PCTP: variants seen among roughly 807,000 people sequenced by gnomAD.
The protein encoded by PCTP is phosphatidylcholine transfer protein, also known as START domain-containing protein 2.
In PCTP, 27 loss-of-function variants were observed where a neutral mutation model predicts 31.0. The ratio of observed to expected loss-of-function variants is 0.87; its 90% CI spans 0.64 to 1.20. The LOEUF is 1.20. Ranked by LOEUF, PCTP falls within the 50% of genes most tolerant of loss-of-function variation. The pLI is 0.00. For missense variants in PCTP, 287 were observed against 268.2 expected (o/e 1.07, Z -0.49); for synonymous variants, 108 against 101.2 (o/e 1.07, Z -0.40).
intron 5 of PCTP, among the ~76,000 whole-genome samples, chr17:55,839,010 A>G (rs1314362245): frequency 2.0e-5 from 3 of 152,190 alleles, no homozygotes; most frequent in Non-Finnish European, 4.4e-5. Context: ...ACCAAACCAA[A>G]CCAAACAAAA....
At chr17:55,783,713 A>G (rs746021543) in intron 2 of PCTP, among the ~76,000 whole-genome samples, 3 of 152,194 alleles carry the variant, frequency 2.0e-5, no homozygotes, top group Admixed American at 6.5e-5. Flanking sequence ...CTGGTATTGA[A>G]TAATTACTGG....
At chr17:55,751,303 C>T (rs936462362) in intron 1 of PCTP, 59 bp downstream of exon 1, 6 of 1,517,308 alleles carry the variant, frequency 4.0e-6, no homozygotes, top group Non-Finnish European at 5.3e-6. Flanking sequence ...TCGACCTCCC[C>T]GCAGGGAGTG....
downstream of PCTP, among the ~76,000 whole-genome samples, chr17:55,779,194 T>C (rs1911472517): frequency 6.6e-6 from 1 of 152,232 alleles, no homozygotes; most frequent in Non-Finnish European, 1.5e-5. Flanking sequence ...GGGATAGGCA[T>C]GGCATTTGTG....
intron 3 of PCTP, among the ~76,000 whole-genome samples, chr17:55,807,714 T>G (rs1912619167): frequency 6.6e-6 from 1 of 152,200 alleles, no homozygotes; most frequent in South Asian, 2.1e-4. Flanking sequence ...TGGTGAAATA[T>G]GTTTGCTTTT....
At chr17:55,805,628 T>G (rs766840120) in intron 3 of PCTP, among the ~76,000 whole-genome samples, 3 of 151,720 alleles carry the variant, frequency 2.0e-5, no homozygotes, top group Non-Finnish European at 2.9e-5. Context: ...ATATATATGA[T>G]AGGAGATTTT....
intron 2 of PCTP, 191 bp from the exon 3 acceptor site, chr17:55,770,915 T>A: frequency 4.5e-6 from 2 of 447,072 alleles, no homozygotes; most frequent in Non-Finnish European, 8.0e-6. Context: ...TTTTTATATA[T>A]AGAGATGGGG....
downstream of PCTP, among the ~76,000 whole-genome samples, chr17:55,826,947 T>G (rs1446847503): frequency 6.6e-6 from 1 of 152,144 alleles, no homozygotes; most frequent in Non-Finnish European, 1.5e-5. Flanking sequence ...CCACTAAGAT[T>G]TTTTGTTTGT....
At chr17:55,851,636 ACT>A in the PCTP span, among the ~76,000 whole-genome samples, 4 of 152,080 alleles carry the variant, frequency 2.6e-5, no homozygotes, top group East Asian at 1.9e-4. Context: ...CTGTGGGGAA[ACT>A]CTATACATCC....
chr17:55,790,105 C>G (rs1008657711), intron 3 of PCTP, among the ~76,000 whole-genome samples: 28 of 152,140 alleles, frequency 1.8e-4, no homozygotes, highest in Admixed American at 6.5e-4. Context: ...ATTCAGCAAC[C>G]CTTCATGCTA....
intron 3 of PCTP, among the ~76,000 whole-genome samples, chr17:55,806,900 G>A (rs1461734484): frequency 6.6e-6 from 1 of 152,186 alleles, no homozygotes; most frequent in East Asian, 1.9e-4. Flanking sequence ...GACCTGAGAA[G>A]ACTTGACTTT....
chr17:55,837,422 A>G (rs1468949658), intron 5 of PCTP, among the ~76,000 whole-genome samples: 1 of 152,108 alleles, frequency 6.6e-6, no homozygotes, highest in Non-Finnish European at 1.5e-5. Flanking sequence ...GGGTACCTAT[A>G]ATGGTACTTG....
intron 3 of PCTP, among the ~76,000 whole-genome samples, chr17:55,803,073 A>G (rs1323700969): frequency 6.6e-6 from 1 of 152,186 alleles, no homozygotes; most frequent in Non-Finnish European, 1.5e-5. Flanking sequence ...TAATAGACAA[A>G]CAGAGAGCCA....
chr17:55,767,528 G>T lies in PCTP; in HGVS notation c.259+76G>T. On this transcript the variant is annotated intron_variant, in intron 2 of 5. Transcript: ENST00000268896. Reference sequence around the variant, plus strand: ...AGCCCAGGGTGAAGTGCAAAGGTAGGATCTCAGCTCACCGCAATCTCCGCC... The same window carrying T: ...AGCCCAGGGTGAAGTGCAAAGGTAGTATCTCAGCTCACCGCAATCTCCGCC... 9.0e-6 allele frequency: 9 copies of T among 999,646 alleles called. No homozygotes were observed. The Admixed American group carries it at 1.8e-4, about 20-fold the overall frequency. 61.9% of individuals were successfully genotyped at this position (999,646 alleles called of 1,614,324 possible).
chr17:55,834,918 T>C (rs950530256), intron 5 of PCTP, among the ~76,000 whole-genome samples: 1 of 152,196 alleles, frequency 6.6e-6, no homozygotes, highest in Non-Finnish European at 1.5e-5. Flanking sequence ...GAATGTGACC[T>C]TATCTGAGAA....
chr17:55,851,136 G>C, the PCTP span, among the ~76,000 whole-genome samples: 12 of 152,154 alleles, frequency 7.9e-5, no homozygotes, highest in Non-Finnish European at 1.6e-4. Context: ...AGGAGCTCTG[G>C]CCATTGATGC....
intron 2 of PCTP, among the ~76,000 whole-genome samples, chr17:55,784,356 C>T (rs546192411): frequency 2.0e-5 from 3 of 152,248 alleles, no homozygotes; most frequent in Non-Finnish European, 2.9e-5. Flanking sequence ...GTCAGGATTG[C>T]GTCCACCATA....
At chr17:55,760,670 CT>C (rs2144923366) in intron 1 of PCTP, among the ~76,000 whole-genome samples, 1 of 152,262 alleles carries the variant, frequency 6.6e-6, no homozygotes, top group East Asian at 1.9e-4. Flanking sequence ...CTATACCTGC[CT>C]TTCTCCTGGT....
intron 3 of PCTP, among the ~76,000 whole-genome samples, chr17:55,791,654 C>A (rs11867993): frequency 0.15 from 22,340 of 151,216 alleles, 3,806 homozygotes; most frequent in African/African-American, 0.41. Context: ...AGTCAGGAAA[C>A]AACAGGTGCT....
At chr17:55,761,686 C>T (rs1016222653) in intron 1 of PCTP, among the ~76,000 whole-genome samples, 6 of 150,666 alleles carry the variant, frequency 4.0e-5, no homozygotes, top group Non-Finnish European at 7.4e-5. Context: ...CTTTTTATAA[C>T]ATGGCATGTA....
Sources: gnomAD v4.1 joint callset for allele counts (sites outside exome capture counted in the v4.1 genomes callset) on GRCh38, gnomAD v4.1.1 for gene constraint, MANE v1.5 for transcripts, NCBI Gene and HGNC (gene_info 2026-07-23, HGNC 2026-07-21) for gene names.